The following TRAFD1 variants were observed in gnomAD, a reference collection of about 807,000 sequenced individuals.
The protein encoded by TRAFD1 is TRAF-type zinc finger domain-containing protein 1.
A neutral mutation model predicts 65.3 loss-of-function variants in TRAFD1; 38 were observed. The observed-to-expected ratio is 0.58, with a 90% CI of 0.45 to 0.76. The LOEUF is 0.76. TRAFD1 is among the 30% of genes least tolerant of loss of function. The pLI, the probability that TRAFD1 is intolerant of heterozygous loss-of-function variation, is 0.00. For missense variants in TRAFD1, 631 were observed against 712.6 expected (o/e 0.89, Z 1.30); for synonymous variants, 223 against 257.2 (o/e 0.87, Z 1.27).
chr12:112,143,479 C>A (rs2030147330), intron 6 of TRAFD1, among the ~76,000 whole-genome samples: 5 of 152,154 alleles, frequency 3.3e-5, no homozygotes, highest in Admixed American at 3.3e-4. Flanking sequence ...CCTGCCTCAG[C>A]CTCCCAAAGT....
At position 112,152,145 on chromosome 12, in the gene TRAFD1, G is replaced by A. The variant is rs1455412820; in HGVS notation, c.1619+5G>A. 2 of 1,606,200 alleles carry A rather than the reference G, an allele frequency of 1.2e-6. No individual in the cohort carries two copies. The highest frequency in any genetic ancestry group is 2.2e-5 in the South Asian group (2 of 90,740). ...TTCAGGGAGATACGGAGCTAGGTAAGAATCAGTAGCCCAGGAATGGGGCTT... is the reference window on the plus strand; with the variant it reads ...TTCAGGGAGATACGGAGCTAGGTAAAAATCAGTAGCCCAGGAATGGGGCTT... On this transcript the variant is annotated splice_donor_5th_base_variant and intron_variant, in intron 10 of 11. Coordinates refer to ENST00000412615, the MANE Select transcript of TRAFD1 (RefSeq NM_006700.3). This position sits in a 1 kb window ranked among gnomAD's most constrained non-coding sequence, Gnocchi z 5.0.
chr12:112,131,388 T>G (rs1593863220), intron 2 of TRAFD1, among the ~76,000 whole-genome samples: 1 of 152,168 alleles, frequency 6.6e-6, no homozygotes, highest in African/African-American at 2.4e-5. Context: ...GGACAAAATA[T>G]AAATAACTAT....
intron 1 of TRAFD1, among the ~76,000 whole-genome samples, chr12:112,129,778 G>A (rs2079558209): frequency 1.3e-5 from 2 of 151,886 alleles, no homozygotes; most frequent in African/African-American, 4.8e-5. Context: ...GAGTAGCTGG[G>A]ATTACAGGCA....
chr12:112,128,374 G>A (rs1351527473), intron 1 of TRAFD1, among the ~76,000 whole-genome samples: 1 of 152,148 alleles, frequency 6.6e-6, no homozygotes, highest in Admixed American at 6.5e-5. Flanking sequence ...GTGGCAACTC[G>A]CTTGATAATG....
chr12:112,139,944 GTGAGCTGAGATTGCACCA>G (rs2030036541), intron 4 of TRAFD1, among the ~76,000 whole-genome samples: 1 of 152,162 alleles, frequency 6.6e-6, no homozygotes, highest in African/African-American at 2.4e-5. Context: ...GAAGGTTGTA[GTGAGCTGAGATTGCACCA>G]TGCACTCCAT....
Position 112,148,139 on chromosome 12 carries a change from G to A in TRAFD1, c.993G>A (p.Val331=). Residue 331 remains valine (V), a synonymous_variant, in exon 8 of 12, where the codon GTG becomes GTA. Coordinates refer to ENST00000412615, the MANE Select transcript of TRAFD1 (RefSeq NM_006700.3). Reference sequence around the variant, plus strand: ...CTGGCAGCTCTTCCCCCAGAGGGGTGGAGGAACCTGATGTCATCTTCCAGA... The same window carrying A: ...CTGGCAGCTCTTCCCCCAGAGGGGTAGAGGAACCTGATGTCATCTTCCAGA... ...LNTGSSSPRG[V]EEPDVIFQNF... 6.2e-7 allele frequency: 1 copy of A among 1,614,166 alleles called. No homozygotes were observed.
At chr12:112,136,492 A>G (rs1209799852) in intron 4 of TRAFD1, among the ~76,000 whole-genome samples, 1 of 152,040 alleles carries the variant, frequency 6.6e-6, no homozygotes, top group Non-Finnish European at 1.5e-5. Flanking sequence ...CATGTTGGCC[A>G]GGGTGATCTT....
At chr12:112,141,329 G>A in intron 5 of TRAFD1, 105 bp downstream of exon 5, 3 of 1,308,074 alleles carry the variant, frequency 2.3e-6, no homozygotes, top group Non-Finnish European at 2.1e-6. Context: ...AAACCCGACT[G>A]TAGCTGAGTA....
At chr12:112,131,619 C>T (rs555121169) in intron 2 of TRAFD1, among the ~76,000 whole-genome samples, 1 of 152,310 alleles carries the variant, frequency 6.6e-6, no homozygotes, top group South Asian at 2.1e-4. Flanking sequence ...GAAATTTCAC[C>T]TCTAATTTGC....
At chr12:112,129,751 T>G (rs1190694183) in intron 1 of TRAFD1, among the ~76,000 whole-genome samples, 2 of 152,032 alleles carry the variant, frequency 1.3e-5, no homozygotes, top group Non-Finnish European at 2.9e-5. Context: ...GAAGCGATTC[T>G]CCTGCCTCAG....
chr12:112,145,936 A>G (rs996728303), intron 7 of TRAFD1, among the ~76,000 whole-genome samples: 2 of 150,024 alleles, frequency 1.3e-5, no homozygotes, highest in African/African-American at 4.9e-5. Flanking sequence ...ACCAAACACC[A>G]CATGTTCTCA....
chr12:112,152,615 T>G lies in TRAFD1; in HGVS notation c.1692+116T>G. The stretch of plus-strand genomic sequence containing the variant: ...CAGGCTGGTTGTGGTTCAAAGATTG[T>G]TCCTTTGGCTTTTGAGAAGGAGGTT... On this transcript the variant is annotated intron_variant, in intron 11 of 11. Coordinates refer to ENST00000412615, the MANE Select transcript of TRAFD1 (RefSeq NM_006700.3). This position sits in a 1 kb window ranked among gnomAD's most constrained non-coding sequence, Gnocchi z 5.0. 6.3e-7 allele frequency: 1 copy of G among 1,594,724 alleles called. No individual in the cohort carries two copies. Among genetic ancestry groups the G allele is most frequent in the East Asian group, 2.2e-5 (1 of 44,558 alleles).
At chr12:112,144,821 T>C (rs1232362072) in intron 6 of TRAFD1, among the ~76,000 whole-genome samples, 1 of 152,254 alleles carries the variant, frequency 6.6e-6, no homozygotes. Flanking sequence ...AGATCAAGGC[T>C]GCAGTGAACC....
Position 112,149,838 on chromosome 12 carries a change from C to A in TRAFD1, c.1246C>A (p.Pro416Thr). 6.2e-7 allele frequency: 1 copy of A among 1,614,190 alleles called. No homozygotes were observed. The highest frequency in any genetic ancestry group is 8.5e-7 in the Non-Finnish European group (1 of 1,180,018). Residue 416 changes from proline to threonine, a missense_variant, in exon 9 of 12, where the codon CCA (proline) becomes ACA (threonine). Physicochemically the swap from Pro to Thr is conservative, Grantham distance 38. Transcript: ENST00000412615. ...GGATTCCCAGCCTCAAGAGACCTCA[C>A]CAGAGCTGCCCAGGAGGCGTGTCAG... The part of the protein sequence containing the change: ...RLDSQPQETS[P>T]ELPRRRVRHQ...
chr12:112,126,953 C>T (rs1261838374), intron 1 of TRAFD1, among the ~76,000 whole-genome samples: 2 of 152,182 alleles, frequency 1.3e-5, no homozygotes, highest in Non-Finnish European at 2.9e-5. Context: ...TGCGCCCAGC[C>T]CAGAATGGGT....
At chr12:112,148,822 G>A (rs897321422) in intron 8 of TRAFD1, among the ~76,000 whole-genome samples, 1 of 152,176 alleles carries the variant, frequency 6.6e-6, no homozygotes, top group African/African-American at 2.4e-5. Flanking sequence ...AATCGTATAT[G>A]TTACAGGGAG....
At chr12:112,145,769 T>C (rs1238369991) in intron 7 of TRAFD1, 107 bp downstream of exon 7, 3 of 924,972 alleles carry the variant, frequency 3.2e-6, no homozygotes, top group Admixed American at 2.2e-5. Context: ...ACAATGCCCA[T>C]AGTAGGAATA....
chr12:112,128,050 C>T (rs1326573501), intron 1 of TRAFD1, among the ~76,000 whole-genome samples: 1 of 150,842 alleles, frequency 6.6e-6, no homozygotes, highest in African/African-American at 2.4e-5. Flanking sequence ...GAGACAGAGG[C>T]TCACTCTGTT....
At chr12:112,134,546 G>A (rs1018447301) in intron 2 of TRAFD1, among the ~76,000 whole-genome samples, 192 bp from the exon 3 acceptor site, 1 of 152,104 alleles carries the variant, frequency 6.6e-6, no homozygotes, top group African/African-American at 2.4e-5. Flanking sequence ...ATGAGCCACC[G>A]CGCCTGGCCA....
Sources: allele counts gnomAD v4.1 joint callset (sites outside exome capture counted in the v4.1 genomes callset), GRCh38; gene constraint gnomAD v4.1.1; non-coding constraint Gnocchi (gnomAD v3.1); transcripts MANE v1.5; gene names NCBI Gene and HGNC (gene_info 2026-07-23, HGNC 2026-07-21).